The following FAM135B variants were observed in gnomAD, a reference collection of about 807,000 sequenced individuals.
FAM135B encodes family with sequence similarity 135 member B, also known as protein FAM135B.
A neutral mutation model predicts 127.7 loss-of-function variants in FAM135B; 43 were observed. That is an observed-to-expected ratio of 0.34 (90% CI 0.26 to 0.43). The LOEUF (loss-of-function observed/expected upper bound fraction) is 0.43, where lower values mean the gene tolerates loss of function less well. FAM135B is among the 20% of genes least tolerant of loss of function. The pLI is 1.00. For missense variants in FAM135B, 1,558 were observed against 1,725.6 expected, an observed-to-expected ratio of 0.90 and a Z score of 1.72; for synonymous variants, 670 against 665.1, an observed-to-expected ratio of 1.01 and a Z score of -0.11.
At chr8:138,143,674 G>A (rs1817409859) in intron 15 of FAM135B, among the ~76,000 whole-genome samples, 1 of 152,198 alleles carries the variant, frequency 6.6e-6, no homozygotes, top group Non-Finnish European at 1.5e-5. Flanking sequence ...GCAGCAACAA[G>A]GAAGATATAT....
intron 4 of FAM135B, 90 bp downstream of exon 4, chr8:138,265,613 C>T (rs1344232596): frequency 5.5e-6 from 8 of 1,452,664 alleles, no homozygotes; most frequent in Non-Finnish European, 7.6e-6. Flanking sequence ...TAAACCCATA[C>T]CTTCTTCTTT....
chr8:138,192,803 G>T (rs1816256934), intron 9 of FAM135B, among the ~76,000 whole-genome samples: 1 of 152,196 alleles, frequency 6.6e-6, no homozygotes, highest in African/African-American at 2.4e-5. Flanking sequence ...GGCTCTGCAT[G>T]AATTACTCTT....
At chr8:138,447,426 C>G (rs959280815) in intron 1 of FAM135B, among the ~76,000 whole-genome samples, 12 of 152,054 alleles carry the variant, frequency 7.9e-5, no homozygotes, top group African/African-American at 2.7e-4. Context: ...CAATGGTAGA[C>G]TGGATTAAAA....
chr8:138,205,177 A>G (rs1817460286), intron 7 of FAM135B, among the ~76,000 whole-genome samples: 1 of 152,238 alleles, frequency 6.6e-6, no homozygotes, highest in Admixed American at 6.5e-5. Flanking sequence ...TGTATTAAGC[A>G]TTTAATTCTC....
In FAM135B at chr8:138,241,211, G is replaced by A. The variant is rs1024480746; in HGVS notation, c.669+1731C>T. Among the ~76,000 whole-genome samples, 11 of 152,186 alleles carry A rather than the reference G, an allele frequency of 7.2e-5. No individual in the cohort carries two copies. The highest frequency in any genetic ancestry group is 2.4e-4 in the African/African-American group (10 of 41,442). ...GGACAGTCCAATGACATGCTACAGG[G>A]CTCACTGCTTTCCACTCGCTTTCTT... is the stretch of plus-strand genomic sequence containing the variant. On this transcript the variant is annotated intron_variant, in intron 7 of 19. Transcript: ENST00000395297. This position sits in a 1 kb window ranked among gnomAD's most constrained non-coding sequence, Gnocchi z 4.8.
intron 7 of FAM135B, among the ~76,000 whole-genome samples, chr8:138,216,324 C>T (rs998519626): frequency 1.3e-5 from 2 of 152,172 alleles, no homozygotes; most frequent in Non-Finnish European, 2.9e-5. Flanking sequence ...TTTCCTCAGA[C>T]TATCTTTTAA....
intron 2 of FAM135B, among the ~76,000 whole-genome samples, chr8:138,351,001 A>G (rs1473823): frequency 0.98 from 149,828 of 152,258 alleles, 73,776 homozygotes; most frequent in East Asian, 1. Context: ...TGGGACTTTC[A>G]TGGTCTTAGC....
At chr8:138,274,227 G>T (rs1276877902) in intron 3 of FAM135B, among the ~76,000 whole-genome samples, 1 of 151,988 alleles carries the variant, frequency 6.6e-6, no homozygotes, top group Non-Finnish European at 1.5e-5. Context: ...TTAAGCATCG[G>T]CCAGCTTGAG....
At chr8:138,165,698 G>GCATA (rs1563717235) in intron 12 of FAM135B, among the ~76,000 whole-genome samples, 1 of 152,108 alleles carries the variant, frequency 6.6e-6, no homozygotes, top group Non-Finnish European at 1.5e-5. Context: ...ACCTATGTAT[G>GCATA]CATACATACA....
chr8:138,337,837 C>T (rs1426180543), intron 2 of FAM135B, among the ~76,000 whole-genome samples: 1 of 152,198 alleles, frequency 6.6e-6, no homozygotes, highest in Admixed American at 6.5e-5. Flanking sequence ...CTGGAGGCAT[C>T]ATGCTACCTG....
At position 138,152,087 on chromosome 8, in the gene FAM135B, A is replaced by G. The variant is rs1270488673; in HGVS notation, c.2388T>C (p.Ala796=). ...TCTTGCTGTGCATATCTGAAGGTTC[A>G]GCAAAACCTCCATCTTGCTGCTTGG... ...ADTKQQDGGF[A]EPSDMHSKSQ... The change falls in exon 13 of 20, where the codon GCT becomes GCC. Residue 796 remains alanine (A), a synonymous_variant. Coordinates refer to ENST00000395297, the MANE Select transcript of FAM135B (RefSeq NM_015912.4). The G allele has an allele frequency of 1.2e-6, 2 of 1,613,842 alleles. No individual in the cohort carries two copies. The highest frequency in any genetic ancestry group is 1.3e-5 in the African/African-American group (1 of 74,936).
At chr8:138,422,028 C>T (rs1304337999) in intron 1 of FAM135B, among the ~76,000 whole-genome samples, 1 of 151,982 alleles carries the variant, frequency 6.6e-6, no homozygotes, top group Non-Finnish European at 1.5e-5. Flanking sequence ...AAAAGGTCTC[C>T]CTATTCAATA....
intron 7 of FAM135B, among the ~76,000 whole-genome samples, chr8:138,206,385 C>T (rs79580353): frequency 8.2e-5 from 10 of 122,194 alleles, no homozygotes; most frequent in Non-Finnish European, 1.3e-4. Flanking sequence ...CTCTATCATC[C>T]CCTCCACCTA....
intron 2 of FAM135B, among the ~76,000 whole-genome samples, chr8:138,349,564 C>G (rs1157233031): frequency 6.6e-6 from 1 of 152,086 alleles, no homozygotes; most frequent in Non-Finnish European, 1.5e-5. Flanking sequence ...CTTTTTCTTT[C>G]TTTCTTAAAT....
chr8:138,209,777 TA>T (rs1166700822), intron 7 of FAM135B, among the ~76,000 whole-genome samples: 4 of 152,142 alleles, frequency 2.6e-5, no homozygotes, highest in African/African-American at 9.7e-5. Context: ...AAATTTTACA[TA>T]AGTGGAATGG....
Position 138,241,128 on chromosome 8 carries a change from G to A in FAM135B, c.669+1814C>T, listed in dbSNP as rs546019147. ...GTGATGTAGTCACAGCAAAGGCTTC[G>A]GCCGACCACGGGGAGCTTTGCCTCA... is the stretch of plus-strand genomic sequence containing the variant. On this transcript the variant is annotated intron_variant, in intron 7 of 19. Transcript: ENST00000395297. This position sits in a 1 kb window ranked among gnomAD's most constrained non-coding sequence, Gnocchi z 4.8. Among the ~76,000 whole-genome samples the A allele has an allele frequency of 4.9e-4, 74 of 152,150 alleles. No individual in the cohort carries two copies. Among genetic ancestry groups the A allele is most frequent in the East Asian group, 1.9e-4 (1 of 5,178 alleles).
At chr8:138,458,029 T>C (rs1836902756) in intron 1 of FAM135B, among the ~76,000 whole-genome samples, 1 of 150,460 alleles carries the variant, frequency 6.6e-6, no homozygotes, top group Non-Finnish European at 1.5e-5. Flanking sequence ...GGCACACGCC[T>C]ATAGTCTAGC....
chr8:138,247,494 G>A (rs1277323696), intron 6 of FAM135B, among the ~76,000 whole-genome samples: 1 of 152,178 alleles, frequency 6.6e-6, no homozygotes, highest in Non-Finnish European at 1.5e-5. Context: ...GAAGAAGGAT[G>A]TGTTTACTTC....
intron 1 of FAM135B, among the ~76,000 whole-genome samples, chr8:138,445,667 G>A (rs561098067): frequency 7.2e-5 from 11 of 152,060 alleles, no homozygotes; most frequent in African/African-American, 2.7e-4. Context: ...AATAATAAGA[G>A]CTATTTATGA....
Sources: allele counts gnomAD v4.1 joint callset (sites outside exome capture counted in the v4.1 genomes callset), GRCh38; gene constraint gnomAD v4.1.1; non-coding constraint Gnocchi (gnomAD v3.1); transcripts MANE v1.5; gene names NCBI Gene and HGNC (gene_info 2026-07-23, HGNC 2026-07-21).